DRG1: variants seen among roughly 807,000 people sequenced by gnomAD.
The protein encoded by DRG1 is developmentally-regulated GTP-binding protein 1.
DRG1 carries 19 observed loss-of-function variants against 38.8 expected under a neutral mutation model. The observed-to-expected ratio is 0.49, with a 90% CI of 0.34 to 0.72. The LOEUF is 0.72. Ranked by LOEUF, DRG1 falls within the 30% of genes least tolerant of loss-of-function variation. DRG1 has a pLI of 0.01. For missense variants in DRG1, 299 were observed against 444.8 expected, an observed-to-expected ratio of 0.67 and a Z score of 2.95; for synonymous variants, 167 against 157.5, an observed-to-expected ratio of 1.06 and a Z score of -0.45.
intron 3 of DRG1, among the ~76,000 whole-genome samples, chr22:31,405,979 T>A (rs925609597): frequency 2.0e-5 from 3 of 151,722 alleles, no homozygotes; most frequent in Non-Finnish European, 2.9e-5. Flanking sequence ...TGAGCCACCA[T>A]GCCTGGCCGT....
intron 8 of DRG1, among the ~76,000 whole-genome samples, chr22:31,429,397 C>A (rs889686678): frequency 5.9e-5 from 9 of 152,070 alleles, no homozygotes; most frequent in South Asian, 4.2e-4. Flanking sequence ...GGATTACACA[C>A]AGGCATGAGC....
At chr22:31,410,085 A>G (rs2050010245) in intron 3 of DRG1, among the ~76,000 whole-genome samples, 1 of 152,184 alleles carries the variant, frequency 6.6e-6, no homozygotes, top group South Asian at 2.1e-4. Context: ...ACTTTGGACA[A>G]GTCACTTACC....
chr22:31,432,549 C>T (rs1226123736), intron 8 of DRG1, among the ~76,000 whole-genome samples: 1 of 151,960 alleles, frequency 6.6e-6, no homozygotes, highest in Non-Finnish European at 1.5e-5. Context: ...CCTCAGCCTC[C>T]CAAGTAGCTG....
chr22:31,410,994 C>G lies in DRG1; in HGVS notation c.343-18C>G. 2 of 1,612,958 alleles carry G rather than the reference C, an allele frequency of 1.2e-6. No homozygotes were observed. The highest frequency in any genetic ancestry group is 1.7e-6 in the Non-Finnish European group (2 of 1,179,350). ...CAGTTTTTTCTTTCATCCTCTTCCC[C>G]CATTCTTAATCTTGCAGCTCCTGGA... is the stretch of plus-strand genomic sequence containing the variant. On this transcript the variant is annotated intron_variant, in intron 3 of 8. Transcript: ENST00000331457.
Position 31,427,070 on chromosome 22 carries a change from C to T in DRG1, c.892C>T (p.Pro298Ser). Residue 298 changes from proline to serine, a missense_variant, in exon 8 of 9, where the codon CCC becomes TCC. Pro to Ser is a moderately conservative substitution (Grantham distance 74, BLOSUM62 -1). Around this residue, in one of 3 missense-constraint regions of DRG1, gnomAD observed 198 missense variants for 268.1 expected, o/e 0.74. Transcript: ENST00000331457. ...CCCTCTCTATTCTAGTTACACCAAA[C>T]CCAAAGGCCAGTTACCAGATTACAC... is the stretch of plus-strand genomic sequence containing the variant. ...YLKLVRIYTKPKGQLPDYTSP... is the reference protein window; with the variant it reads ...YLKLVRIYTKSKGQLPDYTSP... The T allele has an allele frequency of 6.2e-7, 1 of 1,613,960 alleles. No homozygotes were observed. Among genetic ancestry groups the T allele is most frequent in the Non-Finnish European group, 8.5e-7 (1 of 1,179,918 alleles).
At chr22:31,404,869 C>T (rs886217454) in intron 3 of DRG1, among the ~76,000 whole-genome samples, 1 of 151,888 alleles carries the variant, frequency 6.6e-6, no homozygotes, top group Admixed American at 6.6e-5. Context: ...AGTGATCTGC[C>T]CACCTTGGCC....
chr22:31,408,999 A>G (rs901227315), intron 3 of DRG1, among the ~76,000 whole-genome samples: 3 of 152,138 alleles, frequency 2.0e-5, no homozygotes, highest in African/African-American at 7.2e-5. Flanking sequence ...TCACATCATT[A>G]GGTACACTGA....
chr22:31,425,888 C>A (rs1018984205), intron 6 of DRG1, among the ~76,000 whole-genome samples: 1 of 152,168 alleles, frequency 6.6e-6, no homozygotes, highest in Non-Finnish European at 1.5e-5. Flanking sequence ...CAAACAGAAG[C>A]CAGTGTTTTC....
chr22:31,415,907 A>G (rs1404451416), intron 4 of DRG1, among the ~76,000 whole-genome samples: 3 of 151,772 alleles, frequency 2.0e-5, no homozygotes, highest in Non-Finnish European at 4.4e-5. Flanking sequence ...CTTCACCTAT[A>G]TTGTCACTTC....
intron 8 of DRG1, among the ~76,000 whole-genome samples, chr22:31,429,031 T>C (rs2050125694): frequency 6.6e-6 from 1 of 152,214 alleles, no homozygotes; most frequent in African/African-American, 2.4e-5. Context: ...TTTCTCTCCG[T>C]ATTTTATAAG....
chr22:31,423,475 G>T lies in DRG1; in HGVS notation c.713+65G>T. 1.9e-6 allele frequency: 3 copies of T among 1,564,342 alleles called. No homozygotes were observed. In the Admixed American group the frequency reaches 5.4e-5, roughly 28 times the overall value. ...AAGCCTTGTGATGGAAACAGTATTG[G>T]ATCTTGAATCTGGCAGAAGTTTATC... is the stretch of plus-strand genomic sequence containing the variant. On this transcript the variant is annotated intron_variant, in intron 6 of 8. Coordinates refer to ENST00000331457, the MANE Select transcript of DRG1 (RefSeq NM_004147.4).
chr22:31,426,871 G>A, intron 7 of DRG1, 89 bp downstream of exon 7: 1 of 1,527,610 alleles, frequency 6.5e-7, no homozygotes, highest in South Asian at 1.3e-5. Context: ...AACAAAATCT[G>A]GCTCTTTTTG....
chr22:31,410,971 G>GT (rs1303453458), intron 3 of DRG1, 41 bp from the exon 4 acceptor site: 5 of 1,602,592 alleles, frequency 3.1e-6, no homozygotes, highest in African/African-American at 1.3e-5. Flanking sequence ...TTTATAACCA[G>GT]TTTTTTCTTT....
intron 7 of DRG1, 81 bp downstream of exon 7, chr22:31,426,863 C>A: frequency 6.5e-7 from 1 of 1,536,908 alleles, no homozygotes; most frequent in Non-Finnish European, 8.8e-7. Context: ...AGCTCATTAA[C>A]AAAATCTGGC....
chr22:31,414,280 C>A (rs1170705463), intron 4 of DRG1, among the ~76,000 whole-genome samples: 1 of 152,060 alleles, frequency 6.6e-6, no homozygotes, highest in East Asian at 1.9e-4. Flanking sequence ...TGATGAAGTG[C>A]ATACCAGCTG....
intron 8 of DRG1, among the ~76,000 whole-genome samples, chr22:31,427,622 G>A (rs1168209245): frequency 4.6e-5 from 7 of 152,172 alleles, no homozygotes; most frequent in Non-Finnish European, 1.0e-4. Context: ...GCTGGAGGGA[G>A]TGGTGAGATC....
At chr22:31,408,815 C>G (rs1313148585) in intron 3 of DRG1, among the ~76,000 whole-genome samples, 1 of 146,988 alleles carries the variant, frequency 6.8e-6, no homozygotes, top group Non-Finnish European at 1.5e-5. Flanking sequence ...CATCTGTTTT[C>G]AGTTCATTTA....
chr22:31,428,639 ACTTTTT>A (rs1333980658), intron 8 of DRG1, among the ~76,000 whole-genome samples: 1 of 152,138 alleles, frequency 6.6e-6, no homozygotes, highest in Non-Finnish European at 1.5e-5. Context: ...GAAATTTATT[ACTTTTT>A]CTTTTACTAG....
chr22:31,429,279 C>T (rs906975194), intron 8 of DRG1, among the ~76,000 whole-genome samples: 6 of 151,786 alleles, frequency 4.0e-5, no homozygotes, highest in East Asian at 1.9e-4. Context: ...CCACCGTGCC[C>T]GGCTAATTTT....
Sources: allele counts gnomAD v4.1 joint callset (sites outside exome capture counted in the v4.1 genomes callset), GRCh38; gene constraint gnomAD v4.1.1; regional missense constraint gnomAD v4.1.1; transcripts MANE v1.5; gene names NCBI Gene and HGNC (gene_info 2026-07-23, HGNC 2026-07-21).